Variants in SDK1 observed in about 807,000 individuals in gnomAD.
SDK1 encodes the protein protein sidekick-1.
A neutral mutation model predicts 245.5 loss-of-function variants in SDK1; 157 were observed. The observed-to-expected ratio is 0.64, with a 90% CI of 0.56 to 0.73. SDK1 has a LOEUF of 0.73. SDK1 is among the 30% of genes least tolerant of loss of function. SDK1 has a pLI of 0.00. For synonymous variants in SDK1, 1,647 were observed against 1,278.5 expected (o/e 1.29, Z -6.15); for missense variants, 3,583 against 3,002.3 (o/e 1.19, Z -4.52).
At chr7:3,321,789 C>T (rs1431453600) in intron 1 of SDK1, among the ~76,000 whole-genome samples, 12 of 85,910 alleles carry the variant, frequency 1.4e-4, no homozygotes, top group Non-Finnish European at 2.2e-4. Flanking sequence ...TCCTTCCTTC[C>T]TTCCTTCCTT....
intron 4 of SDK1, among the ~76,000 whole-genome samples, chr7:3,782,575 A>G (rs190207276): frequency 1.4e-4 from 22 of 152,362 alleles, no homozygotes; most frequent in African/African-American, 5.3e-4. Flanking sequence ...GAGATAAGAA[A>G]CACTTCGTAT....
chr7:3,451,447 G>T (rs1458108153), intron 1 of SDK1, among the ~76,000 whole-genome samples: 1 of 151,980 alleles, frequency 6.6e-6, no homozygotes, highest in African/African-American at 2.4e-5. Flanking sequence ...AAGAGAGAGG[G>T]TCAGGGGACT....
chr7:4,100,467 T>C (rs1417840688), intron 22 of SDK1, among the ~76,000 whole-genome samples: 1 of 151,900 alleles, frequency 6.6e-6, no homozygotes, highest in Non-Finnish European at 1.5e-5. Context: ...GGACTGAGCG[T>C]GCCCCCAATT....
chr7:3,650,199 G>GTC (rs1260788524), intron 4 of SDK1, among the ~76,000 whole-genome samples: 1 of 152,126 alleles, frequency 6.6e-6, no homozygotes, highest in African/African-American at 2.4e-5. Flanking sequence ...ACAGGTGTGA[G>GTC]TCACCATCCC....
At chr7:3,631,142 C>G (rs1357130923) in intron 2 of SDK1, among the ~76,000 whole-genome samples, 1 of 152,122 alleles carries the variant, frequency 6.6e-6, no homozygotes, top group Non-Finnish European at 1.5e-5. Context: ...CCATGTTGCC[C>G]AGGCTGGTCT....
Position 4,268,740 on chromosome 7 carries a change from C to T in SDK1, c.*3356C>T, listed in dbSNP as rs373299996. ...CTAAGTGTGGCTCCCCGTGGGTCAG[C>T]GTCCTGGTAGCATGGATCCAGTCTG... On this transcript the variant is annotated 3_prime_UTR_variant, in exon 45 of 45. Coordinates refer to ENST00000404826, the MANE Select transcript of SDK1 (RefSeq NM_152744.4). The T allele has an allele frequency of 1.2e-5, 17 of 1,367,660 alleles. No individual in the cohort carries two copies. Among genetic ancestry groups the T allele is most frequent in the East Asian group, 9.1e-5 (2 of 21,986 alleles). The allele number at this position is 1,367,660 out of a possible 1,614,324, so 84.7% of individuals were successfully genotyped here. A position where few individuals can be genotyped will look rare whatever the true frequency, so the allele number is the denominator to read the frequency against.
chr7:4,220,293 A>G, intron 39 of SDK1, 23 bp downstream of exon 39: 1 of 1,604,082 alleles, frequency 6.2e-7, no homozygotes, highest in Non-Finnish European at 8.5e-7. Context: ...CCAGGGGCAG[A>G]CAATGTCAAT....
At chr7:3,896,480 A>T (rs946309408) in intron 5 of SDK1, among the ~76,000 whole-genome samples, 2 of 152,194 alleles carry the variant, frequency 1.3e-5, no homozygotes, top group African/African-American at 4.8e-5. Context: ...TCTGTCTGCC[A>T]CAGCTGCCTC....
chr7:3,531,508 C>G (rs1335863518), intron 1 of SDK1, among the ~76,000 whole-genome samples: 1 of 152,130 alleles, frequency 6.6e-6, no homozygotes, highest in Non-Finnish European at 1.5e-5. Context: ...TATTCCGAGT[C>G]CAGCCCAGTA....
At chr7:3,583,149 T>C (rs1780566172) in intron 1 of SDK1, among the ~76,000 whole-genome samples, 3 of 152,228 alleles carry the variant, frequency 2.0e-5, no homozygotes, top group Non-Finnish European at 4.4e-5. Flanking sequence ...AGCTGGTTCC[T>C]GCGTGTAGGC....
chr7:3,552,262 C>T (rs1000027945), intron 1 of SDK1, among the ~76,000 whole-genome samples: 3 of 152,114 alleles, frequency 2.0e-5, no homozygotes, highest in South Asian at 2.1e-4. Context: ...TGGTCTCGAT[C>T]GATCTCCTGA....
intron 5 of SDK1, among the ~76,000 whole-genome samples, chr7:3,887,027 A>G (rs1781354385): frequency 6.6e-6 from 1 of 152,206 alleles, no homozygotes; most frequent in African/African-American, 2.4e-5. Flanking sequence ...TTTGAATGAT[A>G]TATTTTTAAT....
chr7:3,676,213 C>G (rs1034712090), intron 4 of SDK1, among the ~76,000 whole-genome samples: 2 of 151,796 alleles, frequency 1.3e-5, no homozygotes, highest in African/African-American at 4.8e-5. Context: ...GAGACGGGGT[C>G]TCACTATGTT....
At chr7:4,193,220 T>A (rs1357192754) in intron 35 of SDK1, among the ~76,000 whole-genome samples, 1 of 133,178 alleles carries the variant, frequency 7.5e-6, no homozygotes, top group African/African-American at 3.0e-5. Context: ...ATATATATAT[T>A]GTATATTAAT....
intron 28 of SDK1, among the ~76,000 whole-genome samples, chr7:4,145,073 C>T (rs375900214): frequency 6.8e-4 from 104 of 152,250 alleles, no homozygotes; most frequent in Middle Eastern, 3.4e-3. Flanking sequence ...CCCCTCCCAG[C>T]GGAGGAACTG....
At chr7:3,856,997 A>T (rs556772210) in intron 5 of SDK1, among the ~76,000 whole-genome samples, 1 of 152,302 alleles carries the variant, frequency 6.6e-6, no homozygotes, top group African/African-American at 2.4e-5. Flanking sequence ...TACAAGGCAT[A>T]ATCAGTATAC....
intron 4 of SDK1, among the ~76,000 whole-genome samples, chr7:3,730,525 G>C (rs1583350792): frequency 6.6e-6 from 1 of 152,126 alleles, no homozygotes; most frequent in South Asian, 2.1e-4. Flanking sequence ...GGAAGGGAGA[G>C]AGCAAGTACG....
intron 4 of SDK1, among the ~76,000 whole-genome samples, chr7:3,670,181 T>C (rs749975228): frequency 2.6e-5 from 4 of 152,236 alleles, no homozygotes; most frequent in African/African-American, 4.8e-5. Flanking sequence ...GTCAGAATGA[T>C]ATATTAATAT....
chr7:4,087,046 T>C (rs1412515391), intron 22 of SDK1, among the ~76,000 whole-genome samples: 2 of 143,324 alleles, frequency 1.4e-5, no homozygotes, highest in Admixed American at 6.8e-5. Flanking sequence ...AAAAAAAAAA[T>C]TGAAGTCTAA....
Sources: gnomAD v4.1 joint callset for allele counts (sites outside exome capture counted in the v4.1 genomes callset) on GRCh38, gnomAD v4.1.1 for gene constraint, MANE v1.5 for transcripts, NCBI Gene and HGNC (gene_info 2026-07-23, HGNC 2026-07-21) for gene names.